Variants in DNAH1 observed in about 807,000 individuals in gnomAD.
The protein encoded by DNAH1 is axonemal beta dynein heavy chain 1.
A neutral mutation model predicts 484.3 loss-of-function variants in DNAH1; 327 were observed. The observed-to-expected ratio is 0.68, with a 90% CI of 0.62 to 0.74. The LOEUF is 0.74. DNAH1 is among the 30% of genes least tolerant of loss of function. The pLI, the probability that DNAH1 is intolerant of heterozygous loss-of-function variation, is 0.00. For missense variants in DNAH1, 5,052 were observed against 5,546.8 expected, an observed-to-expected ratio of 0.91 and a Z score of 2.83; for synonymous variants, 2,192 against 2,191.9, an observed-to-expected ratio of 1.00 and a Z score of 0.00.
At chr3:52,383,071 C>G (rs747635105) in intron 50 of DNAH1, among the ~76,000 whole-genome samples, 9 of 152,230 alleles carry the variant, frequency 5.9e-5, no homozygotes, top group Non-Finnish European at 1.0e-4. Context: ...AAGGACCTAT[C>G]TCTGCCCGTG....
intron 41 of DNAH1, 102 bp from the exon 42 acceptor site, chr3:52,371,844 G>A: frequency 2.6e-6 from 4 of 1,517,838 alleles, no homozygotes; most frequent in Non-Finnish European, 3.5e-6. Flanking sequence ...CCAAAGCCCA[G>A]CCGTGCAGCT....
intron 20 of DNAH1, among the ~76,000 whole-genome samples, chr3:52,354,018 C>T (rs1013171727): frequency 4.6e-5 from 7 of 151,930 alleles, no homozygotes; most frequent in Non-Finnish European, 1.0e-4. Context: ...CATAGGGAGA[C>T]CCCCATCTCT....
chr3:52,396,831 G>A (rs978023250), intron 72 of DNAH1, 34 bp downstream of exon 72: 7 of 1,612,002 alleles, frequency 4.3e-6, no homozygotes, highest in Admixed American at 3.3e-5. Context: ...CTGGGGGACT[G>A]GGCACTTAGG....
intron 3 of DNAH1, among the ~76,000 whole-genome samples, chr3:52,325,903 C>G (rs1701319935): frequency 6.6e-6 from 1 of 152,160 alleles, no homozygotes; most frequent in East Asian, 1.9e-4. Context: ...TGGCTCTGGA[C>G]AGGGAGAGCA....
At chr3:52,337,335 A>G (rs1176257351) in intron 8 of DNAH1, among the ~76,000 whole-genome samples, 1 of 152,172 alleles carries the variant, frequency 6.6e-6, no homozygotes, top group African/African-American at 2.4e-5. Flanking sequence ...ATGGAGTTCT[A>G]ATGCTTTTCG....
intron 65 of DNAH1, 63 bp from the exon 66 acceptor site, chr3:52,393,271 T>C: frequency 6.2e-7 from 1 of 1,601,034 alleles, no homozygotes; most frequent in Non-Finnish European, 8.5e-7. Flanking sequence ...TAGGCTGGGC[T>C]GGACCCCGGG....
chr3:52,358,778 C>A lies in DNAH1; in HGVS notation c.4266+41C>A. 2 of 1,603,452 alleles carry A rather than the reference C, an allele frequency of 1.2e-6. No homozygotes were observed. The highest frequency in any genetic ancestry group is 1.7e-6 in the Non-Finnish European group (2 of 1,176,300). The stretch of plus-strand genomic sequence containing the variant: ...CCCGTGCAGCCTTCCACCCCTGCAC[C>A]CCTCTGCTCCCTCTCAGTGCCCCTC... On this transcript the variant is annotated intron_variant, in intron 25 of 77. Coordinates refer to ENST00000420323, the MANE Select transcript of DNAH1 (RefSeq NM_015512.5). This position sits in a 1 kb window ranked among gnomAD's most constrained non-coding sequence, Gnocchi z 4.2.
intron 66 of DNAH1, 68 bp downstream of exon 66, chr3:52,393,553 T>G (rs935521051): frequency 6.3e-7 from 1 of 1,588,500 alleles, no homozygotes; most frequent in South Asian, 1.1e-5. Context: ...GAGAACAGGG[T>G]GGAAGGAAAG....
intron 41 of DNAH1, 53 bp downstream of exon 41, chr3:52,370,878 G>A (rs1215139279): frequency 6.6e-7 from 1 of 1,520,996 alleles, no homozygotes; most frequent in Admixed American, 2.0e-5. Context: ...CTGGGTGGCT[G>A]CTGTTCCCGC....
chr3:52,391,771 G>T (rs949902367), intron 63 of DNAH1, among the ~76,000 whole-genome samples, 168 bp downstream of exon 63: 6 of 152,164 alleles, frequency 3.9e-5, no homozygotes, highest in African/African-American at 1.2e-4. Flanking sequence ...ACTTCCACCA[G>T]CTCCTCCTAC....
chr3:52,353,384 C>A lies in DNAH1; in HGVS notation c.3231C>A (p.Cys1077Ter). The A allele has an allele frequency of 6.2e-7, 1 of 1,609,224 alleles. No homozygotes were observed. Among genetic ancestry groups the A allele is most frequent in the Non-Finnish European group, 8.5e-7 (1 of 1,176,374 alleles). ...CVKQFKDMPA[C>*]QEVALDIRAR... ...CGTTTCTGTCTTACCCGGCAGCCTGCCAGGAAGTGGCCTTGGACATCCGGG... is the reference window on the plus strand; with the variant it reads ...CGTTTCTGTCTTACCCGGCAGCCTGACAGGAAGTGGCCTTGGACATCCGGG... Residue 1077 changes from cysteine (C) to a stop codon, truncating the protein, a stop_gained, in exon 20 of 78, where the codon TGC (cysteine) becomes TGA (stop). Transcript: ENST00000420323. LOFTEE classifies it high-confidence loss of function. This position sits in a 1 kb window ranked among gnomAD's most constrained non-coding sequence, Gnocchi z 5.0.
Position 52,381,753 on chromosome 3 carries a change from C to T in DNAH1, c.7722C>T (p.Thr2574=), listed in dbSNP as rs1313207973. 19 of 1,605,052 alleles carry T rather than the reference C, an allele frequency of 1.2e-5. No individual in the cohort carries two copies. Among genetic ancestry groups the T allele is most frequent in the East Asian group, 2.2e-5 (1 of 44,474 alleles). ...GCCACATCTGTCGCATCAGCCGCAC[C>T]CTACGCCAGGCGCTGGGCAATGCAC... ...AMSHICRISR[T]LRQALGNALL... is the part of the protein sequence containing the mutation. The change falls in exon 49 of 78, where the codon ACC becomes ACT. Residue 2574 remains threonine, a synonymous_variant. Coordinates refer to ENST00000420323, the MANE Select transcript of DNAH1 (RefSeq NM_015512.5). This position sits in a 1 kb window ranked among gnomAD's most constrained non-coding sequence, Gnocchi z 4.1.
rs1338661473 is a variant in DNAH1, at chr3:52,364,594, G to A, written c.5245-44G>A. On this transcript the variant is annotated intron_variant, in intron 32 of 77. Coordinates refer to ENST00000420323, the MANE Select transcript of DNAH1 (RefSeq NM_015512.5). This position sits in a 1 kb window ranked among gnomAD's most constrained non-coding sequence, Gnocchi z 4.2. ...CAGAGTGTTCCAGGCAGAAGCCTTG[G>A]AGAGGGACAGTGCTCACCCATGCCT... 1 of 1,607,886 alleles carries A rather than the reference G, an allele frequency of 6.2e-7. No homozygotes were observed. Among genetic ancestry groups the A allele is most frequent in the African/African-American group, 1.3e-5 (1 of 74,938 alleles).
rs537050209 is a variant in DNAH1, at chr3:52,390,854, C to T, written c.9622-81C>T. On this transcript the variant is annotated intron_variant, in intron 60 of 77. Transcript: ENST00000420323. ...GAGAGGGAAGTCCATAGCCGAAACA[C>T]GAGGCCGGGAGATGCTGATGCCCTC... 3.3e-5 allele frequency: 51 copies of T among 1,537,000 alleles called. No homozygotes were observed. The East Asian group carries it at 6.9e-4, about 21-fold the overall frequency.
intron 2 of DNAH1, among the ~76,000 whole-genome samples, chr3:52,323,203 G>A (rs1200779549): frequency 2.6e-5 from 4 of 152,144 alleles, no homozygotes. Flanking sequence ...TGGGGCCTGG[G>A]AGCATGTTCC....
chr3:52,395,475 T>C lies in DNAH1; in HGVS notation c.11127+9T>C, dbSNP rs1424983415. ...CCCTGGGCCAGGGGCAGGTCAGGGCTAGGCAGGGAGGAAGGGAGTGGGCTG... is the reference window on the plus strand; with the variant it reads ...CCCTGGGCCAGGGGCAGGTCAGGGCCAGGCAGGGAGGAAGGGAGTGGGCTG... On this transcript the variant is annotated intron_variant, in intron 69 of 77. Transcript: ENST00000420323. The surrounding 1 kb of genome is among the most constrained non-coding windows in gnomAD (Gnocchi z 4.4). 1 of 1,613,700 alleles carries C rather than the reference T, an allele frequency of 6.2e-7. No individual in the cohort carries two copies. Among genetic ancestry groups the C allele is most frequent in the African/African-American group, 1.3e-5 (1 of 74,946 alleles).
chr3:52,375,118 A>G (rs1019496111), intron 44 of DNAH1, 122 bp from the exon 45 acceptor site: 21 of 1,143,504 alleles, frequency 1.8e-5, no homozygotes, highest in Non-Finnish European at 2.4e-5. Context: ...ATATTGATGT[A>G]TTTGTCTTTA....
At position 52,373,881 on chromosome 3, in the gene DNAH1, C is replaced by T. The variant is rs531686089; in HGVS notation, c.6985+828C>T. Reference sequence around the variant, plus strand: ...TGCAGTTAACATGTTTCGAATATTACCACCTTCCTCCAATCCTACGGGAGC... The same window carrying T: ...TGCAGTTAACATGTTTCGAATATTATCACCTTCCTCCAATCCTACGGGAGC... On this transcript the variant is annotated intron_variant, in intron 44 of 77. Transcript: ENST00000420323. 2.2e-6 allele frequency: 3 copies of T among 1,389,886 alleles called. No individual in the cohort carries two copies. The East Asian group carries it at 6.9e-5, about 32-fold the overall frequency. 86.1% of individuals were successfully genotyped at this position (1,389,886 alleles called of 1,614,324 possible).
intron 55 of DNAH1, 126 bp downstream of exon 55, chr3:52,386,471 T>C (rs2153225356): frequency 7.3e-7 from 1 of 1,361,096 alleles, no homozygotes; most frequent in East Asian, 2.5e-5. Context: ...AGGGCCCAAG[T>C]AGGAGCATGG....
Sources: allele counts gnomAD v4.1 joint callset (sites outside exome capture counted in the v4.1 genomes callset), GRCh38; gene constraint gnomAD v4.1.1; non-coding constraint Gnocchi (gnomAD v3.1); transcripts MANE v1.5; gene names NCBI Gene and HGNC (gene_info 2026-07-23, HGNC 2026-07-21).